Variants in DLGAP2 observed in about 807,000 individuals in gnomAD.
DLGAP2 encodes the protein disks large-associated protein 2.
DLGAP2 carries 26 observed loss-of-function variants against 100.3 expected under a neutral mutation model. That is an observed-to-expected ratio of 0.26 (90% CI 0.19 to 0.36). DLGAP2 has a LOEUF of 0.36. Among genes scored for constraint, DLGAP2 ranks in the 10% least tolerant of loss-of-function variants. The pLI, the probability that DLGAP2 is intolerant of heterozygous loss-of-function variation, is 1.00. For missense variants in DLGAP2, 1,858 were observed against 1,453.2 expected (o/e 1.28, Z -4.53); for synonymous variants, 886 against 630.1 (o/e 1.41, Z -6.08).
At chr8:1,423,263 C>T (rs1044633553) in intron 3 of DLGAP2, among the ~76,000 whole-genome samples, 3 of 96,312 alleles carry the variant, frequency 3.1e-5, no homozygotes, top group Non-Finnish European at 7.1e-5. Flanking sequence ...TTAGTCACAG[C>T]TCTTATCACT....
intron 2 of DLGAP2, among the ~76,000 whole-genome samples, chr8:1,198,985 A>T (rs987498458): frequency 2.0e-5 from 3 of 152,262 alleles, no homozygotes; most frequent in Non-Finnish European, 2.9e-5. Context: ...ATGAATCCTC[A>T]GAGCTGAGTT....
At chr8:1,444,249 C>T (rs910427538) in intron 3 of DLGAP2, among the ~76,000 whole-genome samples, 9 of 152,214 alleles carry the variant, frequency 5.9e-5, no homozygotes, top group African/African-American at 2.2e-4. Flanking sequence ...CTGCACCCGT[C>T]TCAATATCAT....
At chr8:928,024 T>C (rs540804109) in intron 2 of DLGAP2, among the ~76,000 whole-genome samples, 2 of 152,118 alleles carry the variant, frequency 1.3e-5, no homozygotes, top group South Asian at 4.1e-4. Context: ...CGGCCAGCCA[T>C]GGGGTCCCGG....
chr8:1,068,892 A>C (rs1176212787), intron 2 of DLGAP2, among the ~76,000 whole-genome samples: 1 of 152,104 alleles, frequency 6.6e-6, no homozygotes, highest in Non-Finnish European at 1.5e-5. Flanking sequence ...TTTTGCATAA[A>C]AAAGGGAATC....
intron 3 of DLGAP2, among the ~76,000 whole-genome samples, chr8:1,434,442 C>G (rs2130016438): frequency 6.6e-6 from 1 of 152,134 alleles, no homozygotes; most frequent in South Asian, 2.1e-4. Context: ...ACCACTGGGT[C>G]ACTGAGCTAC....
At chr8:1,289,071 T>G (rs943038423) in intron 3 of DLGAP2, among the ~76,000 whole-genome samples, 11 of 152,204 alleles carry the variant, frequency 7.2e-5, no homozygotes, top group Admixed American at 4.6e-4. Context: ...GTATTGCTTC[T>G]GTCTGGGAAC....
At chr8:1,417,170 C>T (rs2094690803) in intron 3 of DLGAP2, among the ~76,000 whole-genome samples, 1 of 131,862 alleles carries the variant, frequency 7.6e-6, no homozygotes, top group African/African-American at 2.9e-5. Context: ...AGGGGAAGCC[C>T]CCGTTCATTT....
intron 2 of DLGAP2, among the ~76,000 whole-genome samples, chr8:956,353 A>G (rs898048604): frequency 6.6e-6 from 1 of 152,152 alleles, no homozygotes; most frequent in African/African-American, 2.4e-5. Flanking sequence ...CAGAAAGCTC[A>G]TGGTTATTTG....
intron 4 of DLGAP2, among the ~76,000 whole-genome samples, chr8:1,537,322 T>C (rs1801186984): frequency 6.6e-6 from 1 of 152,186 alleles, no homozygotes; most frequent in South Asian, 2.1e-4. Flanking sequence ...CCTGTGTGTG[T>C]GGTGAGTGTG....
intron 2 of DLGAP2, among the ~76,000 whole-genome samples, chr8:1,202,060 T>A (rs933608875): frequency 1.3e-5 from 2 of 152,000 alleles, no homozygotes; most frequent in Non-Finnish European, 2.9e-5. Context: ...CTGTGTGATG[T>A]GTGTGTATGT....
intron 2 of DLGAP2, among the ~76,000 whole-genome samples, chr8:1,025,835 G>A (rs1424416543): frequency 2.0e-5 from 3 of 152,334 alleles, no homozygotes; most frequent in African/African-American, 7.2e-5. Flanking sequence ...CCAGCTGTGA[G>A]CATGGTGCCC....
chr8:1,669,887 C>G (rs1268713578), intron 10 of DLGAP2, 103 bp downstream of exon 10: 10 of 754,354 alleles, frequency 1.3e-5, no homozygotes, highest in African/African-American at 3.4e-5. Context: ...TGTCCTGATT[C>G]TATGTGCCAG....
chr8:1,422,612 G>C (rs1797126660), intron 3 of DLGAP2, among the ~76,000 whole-genome samples: 1 of 151,200 alleles, frequency 6.6e-6, no homozygotes, highest in African/African-American at 2.4e-5. Flanking sequence ...GATGCATCTT[G>C]AGAAGCCGAC....
intron 1 of DLGAP2, among the ~76,000 whole-genome samples, chr8:882,085 G>C (rs1274579985): frequency 6.6e-6 from 1 of 152,226 alleles, no homozygotes; most frequent in Non-Finnish European, 1.5e-5. Context: ...ACCCAGTCCA[G>C]AGGCTTCCCT....
intron 2 of DLGAP2, among the ~76,000 whole-genome samples, chr8:1,164,208 G>C (rs1193260260): frequency 7.2e-6 from 1 of 138,604 alleles, no homozygotes; most frequent in Non-Finnish European, 1.5e-5. Context: ...TGAGCCCCCA[G>C]GGCCCGTCAT....
intron 1 of DLGAP2, among the ~76,000 whole-genome samples, chr8:791,799 C>G (rs896053541): frequency 6.6e-6 from 1 of 152,184 alleles, no homozygotes; most frequent in Non-Finnish European, 1.5e-5. Flanking sequence ...TTCACTTTTG[C>G]TGGTGTTTTC....
At chr8:1,162,559 C>T (rs1796912717) in intron 2 of DLGAP2, among the ~76,000 whole-genome samples, 1 of 152,184 alleles carries the variant, frequency 6.6e-6, no homozygotes, top group African/African-American at 2.4e-5. Context: ...ATCCAGTAGT[C>T]TGGTAATAGT....
intron 4 of DLGAP2, among the ~76,000 whole-genome samples, chr8:1,520,093 G>T (rs1018068362): frequency 6.6e-6 from 1 of 152,180 alleles, no homozygotes; most frequent in Non-Finnish European, 1.5e-5. Flanking sequence ...TGCTGGGCAC[G>T]CTGTCCCCAT....
At chr8:1,070,415 C>T (rs1803391533) in intron 2 of DLGAP2, among the ~76,000 whole-genome samples, 1 of 152,158 alleles carries the variant, frequency 6.6e-6, no homozygotes, top group Non-Finnish European at 1.5e-5. Context: ...GTGTGGATTT[C>T]ACAAACAGTT....
Sources: allele counts gnomAD v4.1 joint callset (sites outside exome capture counted in the v4.1 genomes callset), GRCh38; gene constraint gnomAD v4.1.1; transcripts MANE v1.5; gene names NCBI Gene and HGNC (gene_info 2026-07-23, HGNC 2026-07-21).